Variants in WTIP observed in about 807,000 individuals in gnomAD.
The protein encoded by WTIP is WT1 interacting protein.
WTIP carries 23 observed loss-of-function variants against 41.7 expected under a neutral mutation model. The ratio of observed to expected loss-of-function variants is 0.55; its 90% CI spans 0.40 to 0.78. The LOEUF is 0.78. Ranked by LOEUF, WTIP falls within the 30% of genes least tolerant of loss-of-function variation. The probability of loss-of-function intolerance (pLI) is 0.00; values close to 1 mark genes in which losing one functional copy is unlikely to be tolerated. For synonymous variants in WTIP, 314 were observed against 269.9 expected (o/e 1.16, Z -1.60); for missense variants, 619 against 610.5 (o/e 1.01, Z -0.15).
intron 7 of WTIP, among the ~76,000 whole-genome samples, chr19:34,496,682 TG>T (rs2075855714): frequency 3.3e-5 from 2 of 60,400 alleles, no homozygotes; most frequent in African/African-American, 1.3e-4. Context: ...GGTTGGGGGT[TG>T]GGGGTTGGGA....
rs2075769942 is a variant in WTIP, at chr19:34,482,108, C to G, written c.134C>G (p.Ala45Gly). Reference protein sequence around the residue: ...RGPRPGPGDEAAPALGRRGKG... With the variant: ...RGPRPGPGDEGAPALGRRGKG... ...CCGCGGCCTGGGCCTGGAGACGAGG[C>G]GGCGCCCGCGCTGGGCCGCAGAGGG... The change falls in exon 1 of 8, where the codon GCG becomes GGG. Residue 45 changes from alanine to glycine, a missense_variant. This residue lies in a region of WTIP where 363 missense variants were observed against 309.0 expected (regional missense o/e 1.17). Transcript: ENST00000590071. 9.6e-7 allele frequency: 1 copy of G among 1,044,254 alleles called. No homozygotes were observed. Among genetic ancestry groups the G allele is most frequent in the African/African-American group, 1.7e-5 (1 of 58,052 alleles). 64.7% of individuals were successfully genotyped at this position (1,044,254 alleles called of 1,614,324 possible).
intron 7 of WTIP, among the ~76,000 whole-genome samples, chr19:34,497,508 G>A (rs1403243395): frequency 2.0e-5 from 3 of 152,160 alleles, no homozygotes; most frequent in Non-Finnish European, 4.4e-5. Flanking sequence ...AGGTCTTCCA[G>A]GATGAGTTGG....
chr19:34,486,662 G>A (rs1401571881), intron 1 of WTIP, among the ~76,000 whole-genome samples: 2 of 151,382 alleles, frequency 1.3e-5, no homozygotes, highest in Non-Finnish European at 2.9e-5. Context: ...CACCGCGCCT[G>A]GCCGCCTTTG....
rs1297799759 is a variant in WTIP, at chr19:34,482,573, G to A, written c.599G>A (p.Arg200Gln). 8.1e-7 allele frequency: 1 copy of A among 1,229,632 alleles called. No homozygotes were observed. The highest frequency in any genetic ancestry group is 1.0e-6 in the Non-Finnish European group (1 of 987,078). The allele number at this position is 1,229,632 out of a possible 1,614,324, so 76.2% of individuals were successfully genotyped here. A position where few individuals can be genotyped will look rare whatever the true frequency, so the allele number is the denominator to read the frequency against. The change falls in exon 1 of 8, where the codon CGG (arginine) becomes CAG (glutamine). Residue 200 changes from arginine to glutamine, a missense_variant. Arg to Gln is a conservative substitution (Grantham distance 43). Transcript: ENST00000590071. ...GAGGGCGGCCCAAGCGCGGCCGAGC[G>A]GCGGCTGGAGGCGCTCACCCGGGAG... ...GREGGPSAAE[R>Q]RLEALTRELE...
rs372285304 is a variant in WTIP, at chr19:34,493,286, C to G, written c.861C>G (p.Ala287=). Residue 287 remains alanine, a synonymous_variant, in exon 4 of 8, where the codon GCC becomes GCG. Transcript: ENST00000590071. This position sits in a 1 kb window ranked among gnomAD's most constrained non-coding sequence, Gnocchi z 4.1. ...DFLYSGFQQT[A]DKCSVCGHLI... is the part of the protein sequence containing the mutation. ...AGTACTCCGGGTTCCAGCAGACGGC[C>G]GACAAATGCAGCGTGTGTGGACATC... The G allele has an allele frequency of 6.2e-7, 1 of 1,613,546 alleles. No individual in the cohort carries two copies. The highest frequency in any genetic ancestry group is 1.1e-5 in the South Asian group (1 of 91,016).
chr19:34,496,328 A>C (rs117062300), intron 7 of WTIP, among the ~76,000 whole-genome samples: 1 of 152,098 alleles, frequency 6.6e-6, no homozygotes, highest in Non-Finnish European at 1.5e-5. Flanking sequence ...GCGCCGCCAC[A>C]TTCAGCTAAT....
chr19:34,485,615 A>G (rs115294946), intron 1 of WTIP, among the ~76,000 whole-genome samples: 1,595 of 150,004 alleles, frequency 0.011, 26 homozygotes, highest in African/African-American at 0.036. Flanking sequence ...TTTTTTAGAG[A>G]CAGGGTCTCA....
chr19:34,498,238 G>C (rs1273038925), intron 7 of WTIP, among the ~76,000 whole-genome samples: 2 of 152,144 alleles, frequency 1.3e-5, no homozygotes, highest in East Asian at 3.9e-4. Flanking sequence ...AAAACTGCGA[G>C]ATAGGGTACT....
chr19:34,500,097 ACT>A, intron 7 of WTIP, 30 bp from the exon 8 acceptor site: 1 of 1,592,644 alleles, frequency 6.3e-7, no homozygotes. Flanking sequence ...TTGTCTGCTG[ACT>A]CTGGGGCTGG....
intron 1 of WTIP, among the ~76,000 whole-genome samples, chr19:34,484,464 C>A (rs1022571613): frequency 6.6e-6 from 1 of 152,026 alleles, no homozygotes; most frequent in South Asian, 2.1e-4. Context: ...GACTCTGTGG[C>A]TGGGCAGGTC....
chr19:34,500,086 CT>C, intron 7 of WTIP, 42 bp from the exon 8 acceptor site: 1 of 1,592,026 alleles, frequency 6.3e-7, no homozygotes, highest in Non-Finnish European at 8.5e-7. Context: ...CTGATGTGCG[CT>C]TGTCTGCTGA....
Position 34,482,581 on chromosome 19 carries a change from G to C in WTIP, c.607G>C (p.Glu203Gln), listed in dbSNP as rs529175651. The C allele has an allele frequency of 8.1e-7, 1 of 1,230,642 alleles. No homozygotes were observed. The highest frequency in any genetic ancestry group is 3.2e-5 in the East Asian group (1 of 31,544). The allele number at this position is 1,230,642 out of a possible 1,614,324, so 76.2% of individuals were successfully genotyped here. ...GGPSAAERRL[E>Q]ALTRELERAL... ...CCCAAGCGCGGCCGAGCGGCGGCTG[G>C]AGGCGCTCACCCGGGAGCTGGAGCG... Residue 203 changes from glutamate (E) to glutamine (Q), a missense_variant, in exon 1 of 8, where the codon GAG becomes CAG. By Grantham distance (29) the Glu-to-Gln change is conservative. Coordinates refer to ENST00000590071, the MANE Select transcript of WTIP (RefSeq NM_001080436.2).
Position 34,482,229 on chromosome 19 carries a change from T to A in WTIP, c.255T>A (p.Pro85=). The A allele has an allele frequency of 8.5e-7, 1 of 1,172,746 alleles. No individual in the cohort carries two copies. The highest frequency in any genetic ancestry group is 3.5e-5 in the South Asian group (1 of 28,448). 72.6% of individuals were successfully genotyped at this position (1,172,746 alleles called of 1,614,324 possible). A position where few individuals can be genotyped will look rare whatever the true frequency, so the allele number is the denominator to read the frequency against. ...RAAVPELSAQ[P]AGSPRASLAG... ...CGGTTCCGGAGCTCAGCGCGCAGCC[T>A]GCGGGCAGCCCACGGGCCAGCCTGG... is the stretch of plus-strand genomic sequence containing the variant. The change falls in exon 1 of 8, where the codon CCT becomes CCA. Residue 85 remains proline, a synonymous_variant. Coordinates refer to ENST00000590071, the MANE Select transcript of WTIP (RefSeq NM_001080436.2).
chr19:34,485,684 C>A (rs995942367), intron 1 of WTIP, among the ~76,000 whole-genome samples: 1 of 152,080 alleles, frequency 6.6e-6, no homozygotes, highest in Middle Eastern at 3.4e-3. Flanking sequence ...GCCTTGAACT[C>A]CTGGGCTTAA....
rs1271970239 is a variant in WTIP at position 34,508,387 on chromosome 19, A to G, written c.*8118A>G. 1 of 152,030 alleles carries G rather than the reference A, an allele frequency of 6.6e-6. No individual in the cohort carries two copies. The highest frequency in any genetic ancestry group is 2.4e-5 in the African/African-American group (1 of 41,370). The allele number at this position is 152,030 out of a possible 1,614,324, so 9.4% of individuals were successfully genotyped here. ...ACTGCACCTGGCCTGTGAGGTGGGAAGTTTCAATACTCCCTTAGCCTTGGT... is the reference window on the plus strand; with the variant it reads ...ACTGCACCTGGCCTGTGAGGTGGGAGGTTTCAATACTCCCTTAGCCTTGGT... On this transcript the variant is annotated 3_prime_UTR_variant, in exon 8 of 8. Coordinates refer to ENST00000590071, the MANE Select transcript of WTIP (RefSeq NM_001080436.2).
chr19:34,486,247 C>T (rs371416445), intron 1 of WTIP, among the ~76,000 whole-genome samples: 1 of 152,140 alleles, frequency 6.6e-6, no homozygotes, highest in East Asian at 1.9e-4. Flanking sequence ...TTGACCCCCT[C>T]TGCGGCCACT....
rs2075834995 is a variant in WTIP, at chr19:34,493,253, C to T, written c.838-10C>T. 1.2e-6 allele frequency: 2 copies of T among 1,613,628 alleles called. No individual in the cohort carries two copies. Among genetic ancestry groups the T allele is most frequent in the South Asian group, 1.1e-5 (1 of 91,048 alleles). On this transcript the variant is annotated splice_polypyrimidine_tract_variant and intron_variant, in intron 3 of 7. Transcript: ENST00000590071. This position sits in a 1 kb window ranked among gnomAD's most constrained non-coding sequence, Gnocchi z 4.1. The stretch of plus-strand genomic sequence containing the variant: ...TCACACAATGTCCTGGATCCTGTGT[C>T]CCCTCCCAGTACTCCGGGTTCCAGC...
chr19:34,512,022 A>G lies in WTIP; in HGVS notation c.*11753A>G, dbSNP rs1421568149. On this transcript the variant is annotated 3_prime_UTR_variant, in exon 8 of 8. Transcript: ENST00000590071. ...CTGGTGCGTTTCCTCCATTCACTGA[A>G]GTTTTATTTTACATCTCTCAGTAAA... is the stretch of plus-strand genomic sequence containing the variant. 3 of 152,062 alleles carry G rather than the reference A, an allele frequency of 2.0e-5. No individual in the cohort carries two copies. The highest frequency in any genetic ancestry group is 4.2e-4 in the South Asian group (2 of 4,816). The allele number at this position is 152,062 out of a possible 1,614,324, so 9.4% of individuals were successfully genotyped here.
intron 1 of WTIP, among the ~76,000 whole-genome samples, chr19:34,483,066 G>A (rs543969408): frequency 4.9e-5 from 7 of 144,042 alleles, no homozygotes; most frequent in Middle Eastern, 3.7e-3. Flanking sequence ...GTGCAGCGGC[G>A]CGTCCTCGGC....
Sources: gnomAD v4.1 joint callset for allele counts (sites outside exome capture counted in the v4.1 genomes callset) on GRCh38, gnomAD v4.1.1 for gene constraint, gnomAD v4.1.1 regional missense constraint, Gnocchi (gnomAD v3.1) non-coding constraint, MANE v1.5 for transcripts, NCBI Gene and HGNC (gene_info 2026-07-23, HGNC 2026-07-21) for gene names.